TCF12: variants seen among roughly 807,000 people sequenced by gnomAD.
The protein encoded by TCF12 is DNA-binding protein HTF4.
TCF12 carries 45 observed loss-of-function variants against 86.0 expected under a neutral mutation model. The observed-to-expected ratio is 0.52, with a 90% CI of 0.41 to 0.67. The LOEUF is 0.67. Ranked by LOEUF, TCF12 falls within the 30% of genes least tolerant of loss-of-function variation. The probability of loss-of-function intolerance (pLI) is 0.00; values close to 1 mark genes in which losing one functional copy is unlikely to be tolerated. For synonymous variants in TCF12, 330 were observed against 299.6 expected, an observed-to-expected ratio of 1.10 and a Z score of -1.05; for missense variants, 881 against 859.9, an observed-to-expected ratio of 1.02 and a Z score of -0.31.
rs187776685 is a variant in TCF12 at position 57,157,777 on chromosome 15, G to A, written c.326-8625G>A. Among the ~76,000 whole-genome samples, 137 of 152,078 alleles carry A rather than the reference G, an allele frequency of 9.0e-4. 1 individual carries two copies. The highest frequency in any genetic ancestry group is 3.3e-3 in the African/African-American group (135 of 41,520). ...GGGGTTTCACTATGTTGGCTAGGCT[G>A]GTCTTGAACTCCTGACCTCAGGTGA... On this transcript the variant is annotated intron_variant, in intron 5 of 20. Transcript: ENST00000333725.
Position 56,921,035 on chromosome 15 carries a change from C to G in TCF12, c.85C>G (p.Pro29Ala). 6.3e-7 allele frequency: 1 copy of G among 1,597,458 alleles called. No individual in the cohort carries two copies. The part of the protein sequence containing the change: ...DLLDFSAMFS[P>A]PVNSGKTRPT... ...TTGGGTTATTTTGCAGATGTTTTCC[C>G]CACCTGTTAATAGTGGGAAAACTAG... The change falls in exon 3 of 21, where the codon CCA (proline) becomes GCA (alanine). Residue 29 changes from proline to alanine, a missense_variant. Pro to Ala is a conservative substitution (Grantham distance 27). This residue lies in a region of TCF12 where 766 missense variants were observed against 718.9 expected (regional missense o/e 1.07). Coordinates refer to ENST00000333725, the MANE Select transcript of TCF12 (RefSeq NM_207037.2).
intron 3 of TCF12, among the ~76,000 whole-genome samples, chr15:56,928,862 G>C (rs1438157281): frequency 6.6e-6 from 1 of 152,184 alleles, no homozygotes; most frequent in African/African-American, 2.4e-5. Context: ...GGAAAGGATA[G>C]AACGCCTGGG....
At chr15:57,075,322 T>G (rs1200758891) in intron 4 of TCF12, among the ~76,000 whole-genome samples, 1 of 152,236 alleles carries the variant, frequency 6.6e-6, no homozygotes, top group Non-Finnish European at 1.5e-5. Flanking sequence ...TCTTCCCTAC[T>G]TCGAGTTTTG....
intron 5 of TCF12, among the ~76,000 whole-genome samples, chr15:57,138,310 G>GCC (rs2052703647): frequency 6.6e-6 from 1 of 152,178 alleles, no homozygotes. Flanking sequence ...CTACAGCTGA[G>GCC]CCTGGGTTTC....
At chr15:57,112,979 T>A (rs1301380466) in intron 5 of TCF12, among the ~76,000 whole-genome samples, 1 of 152,238 alleles carries the variant, frequency 6.6e-6, no homozygotes, top group Non-Finnish European at 1.5e-5. Flanking sequence ...AATTAAGAAT[T>A]CTGCTTTTTC....
At chr15:57,143,929 C>G (rs1334808338) in intron 5 of TCF12, among the ~76,000 whole-genome samples, 1 of 152,014 alleles carries the variant, frequency 6.6e-6, no homozygotes, top group Non-Finnish European at 1.5e-5. Context: ...TAGAGTTGCT[C>G]CTGGGGAGGG....
chr15:57,129,331 C>T (rs369581399), intron 5 of TCF12, among the ~76,000 whole-genome samples: 291 of 152,304 alleles, frequency 1.9e-3, no homozygotes, highest in African/African-American at 6.4e-3. Context: ...GAGGCTGAGG[C>T]AGGCAGATGG....
At chr15:57,089,721 C>T (rs1225010150) in intron 4 of TCF12, among the ~76,000 whole-genome samples, 2 of 151,886 alleles carry the variant, frequency 1.3e-5, no homozygotes, top group South Asian at 2.1e-4. Context: ...AGCTGTTCCG[C>T]AAGCACATTT....
chr15:57,092,179 G>A (rs2049033002), intron 5 of TCF12, among the ~76,000 whole-genome samples: 1 of 152,186 alleles, frequency 6.6e-6, no homozygotes, highest in Middle Eastern at 3.4e-3. Context: ...TGTTTTCTGG[G>A]GCAGAGAAGT....
intron 4 of TCF12, among the ~76,000 whole-genome samples, chr15:57,069,656 G>A (rs998525661): frequency 6.6e-6 from 1 of 152,210 alleles, no homozygotes; most frequent in African/African-American, 2.4e-5. Context: ...TAGGCTATGT[G>A]ACTAGTTAAT....
chr15:57,078,162 A>G lies in TCF12; in HGVS notation c.223-13627A>G, dbSNP rs144581561. On this transcript the variant is annotated intron_variant, in intron 4 of 20. Coordinates refer to ENST00000333725, the MANE Select transcript of TCF12 (RefSeq NM_207037.2). ...TTTTGCTTTAGGGTATTCTTTAGCA[A>G]ATCTTAATGCGACTTCTGCCTGCCT... 1.9e-3 allele frequency among the ~76,000 whole-genome samples: 292 copies of G among 152,250 alleles called. 3 individuals carry two copies. The highest frequency in any genetic ancestry group is 2.3e-3 in the African/African-American group (95 of 41,556).
At chr15:56,993,356 C>T (rs1250072681) in intron 3 of TCF12, among the ~76,000 whole-genome samples, 4 of 152,146 alleles carry the variant, frequency 2.6e-5, no homozygotes, top group African/African-American at 9.7e-5. Flanking sequence ...GAGAACTTTC[C>T]TCTCCAGTTG....
At chr15:57,089,039 A>G (rs1026331243) in intron 4 of TCF12, among the ~76,000 whole-genome samples, 1 of 152,156 alleles carries the variant, frequency 6.6e-6, no homozygotes, top group Admixed American at 6.5e-5. Context: ...AACAGTAGCT[A>G]CCCCCAGTCC....
intron 13 of TCF12, among the ~76,000 whole-genome samples, chr15:57,246,540 C>A (rs1436987650): frequency 1.2e-5 from 1 of 80,174 alleles, no homozygotes; most frequent in Non-Finnish European, 4.0e-5. Flanking sequence ...TACATGCAGA[C>A]ATATCTCCAG....
chr15:57,146,090 A>G (rs1489341992), intron 5 of TCF12, among the ~76,000 whole-genome samples: 4 of 152,088 alleles, frequency 2.6e-5, no homozygotes, highest in Admixed American at 6.5e-5. Context: ...AACTTAGGGT[A>G]TTACTCATAT....
intron 3 of TCF12, among the ~76,000 whole-genome samples, chr15:57,005,992 G>C (rs1359694069): frequency 6.6e-6 from 1 of 152,062 alleles, no homozygotes; most frequent in Non-Finnish European, 1.5e-5. Flanking sequence ...CAAACTTACT[G>C]TATTTTATTG....
chr15:56,920,185 A>G (rs1309694786), intron 2 of TCF12, among the ~76,000 whole-genome samples, 197 bp downstream of exon 2: 2 of 152,032 alleles, frequency 1.3e-5, no homozygotes, highest in Non-Finnish European at 2.9e-5. Flanking sequence ...CTTTGATGTA[A>G]TGTCTAGACT....
chr15:57,209,151 C>T (rs1412256710), intron 8 of TCF12, among the ~76,000 whole-genome samples: 2 of 152,184 alleles, frequency 1.3e-5, no homozygotes, highest in South Asian at 4.1e-4. Context: ...GAAACATCAC[C>T]TGTTAATGAC....
intron 8 of TCF12, among the ~76,000 whole-genome samples, chr15:57,230,003 A>C (rs1438727132): frequency 5.9e-5 from 9 of 151,954 alleles, no homozygotes; most frequent in African/African-American, 1.9e-4. Flanking sequence ...CTATAGAAAT[A>C]TATGCTTGGG....
Sources: gnomAD v4.1 joint callset for allele counts (sites outside exome capture counted in the v4.1 genomes callset) on GRCh38, gnomAD v4.1.1 for gene constraint, gnomAD v4.1.1 regional missense constraint, MANE v1.5 for transcripts, NCBI Gene and HGNC (gene_info 2026-07-23, HGNC 2026-07-21) for gene names.